The following APPL2 variants were observed in gnomAD, a reference collection of about 807,000 sequenced individuals.
The protein encoded by APPL2 is adaptor protein, phosphotyrosine interacting with PH domain and leucine zipper 2.
APPL2 carries 84 observed loss-of-function variants against 92.7 expected under a neutral mutation model. The observed-to-expected ratio is 0.91, with a 90% CI of 0.76 to 1.09. The LOEUF is 1.09. Ranked by LOEUF, APPL2 falls within the 50% of genes least tolerant of loss-of-function variation. The pLI is 0.00. For synonymous variants in APPL2, 291 were observed against 291.0 expected (o/e 1.00, Z 0.00); for missense variants, 736 against 824.5 (o/e 0.89, Z 1.31).
At chr12:105,181,910 C>G (rs1485840759) in intron 17 of APPL2, among the ~76,000 whole-genome samples, 1 of 152,132 alleles carries the variant, frequency 6.6e-6, no homozygotes, top group South Asian at 2.1e-4. Context: ...TTTCAAAAAA[C>G]CAGCTCCTGG....
intron 8 of APPL2, among the ~76,000 whole-genome samples, chr12:105,204,909 A>G (rs988539945): frequency 6.6e-6 from 1 of 152,192 alleles, no homozygotes; most frequent in African/African-American, 2.4e-5. Flanking sequence ...ACTGGAGGTC[A>G]CTGTTCCGTT....
intron 14 of APPL2, among the ~76,000 whole-genome samples, chr12:105,194,782 T>TTAGTTAA (rs1887498152): frequency 6.9e-6 from 1 of 144,516 alleles, no homozygotes; most frequent in African/African-American, 2.5e-5. Context: ...TAGAAATAGT[T>TTAGTTAA]AAAAAAAAAA....
intron 17 of APPL2, among the ~76,000 whole-genome samples, chr12:105,179,583 T>A (rs1885910058): frequency 6.6e-6 from 1 of 152,268 alleles, no homozygotes; most frequent in African/African-American, 2.4e-5. Flanking sequence ...ATAGTTGAAC[T>A]AATTTACATT....
chr12:105,216,489 T>C (rs924524167), intron 4 of APPL2, among the ~76,000 whole-genome samples: 7 of 151,470 alleles, frequency 4.6e-5, no homozygotes, highest in Non-Finnish European at 7.4e-5. Flanking sequence ...TGAAGGATCC[T>C]GAAATGAGAT....
intron 17 of APPL2, among the ~76,000 whole-genome samples, chr12:105,180,603 G>A (rs1886021477): frequency 1.3e-5 from 2 of 152,318 alleles, no homozygotes; most frequent in South Asian, 4.1e-4. Flanking sequence ...CATGAGCATG[G>A]CATGTTTTTC....
chr12:105,196,425 C>CTT (rs59820038), intron 11 of APPL2, among the ~76,000 whole-genome samples: 10 of 83,868 alleles, frequency 1.2e-4, no homozygotes, highest in Non-Finnish European at 2.1e-4. Flanking sequence ...GGCGTTAACT[C>CTT]TTTTTTTTTT....
chr12:105,193,452 C>T (rs974252973), intron 14 of APPL2, among the ~76,000 whole-genome samples: 9 of 152,180 alleles, frequency 5.9e-5, no homozygotes, highest in African/African-American at 1.7e-4. Context: ...GCAGAGATAT[C>T]GTTAGAACCC....
chr12:105,181,274 G>A (rs181017747), intron 17 of APPL2, among the ~76,000 whole-genome samples: 34 of 152,270 alleles, frequency 2.2e-4, no homozygotes, highest in East Asian at 1.9e-3. Context: ...ACTGATTTGC[G>A]TATGTCGAAC....
At chr12:105,193,011 C>T (rs987582697) in intron 14 of APPL2, among the ~76,000 whole-genome samples, 4 of 152,112 alleles carry the variant, frequency 2.6e-5, no homozygotes, top group African/African-American at 9.7e-5. Context: ...GTGGGCTGAC[C>T]CTAAAAGAGA....
rs79374863 is a variant in APPL2, at chr12:105,227,986, C to G, written c.153+1139G>C. ...CCCCACTAGGTTAGGTGGCTCTCCT[C>G]TCCTGGCCCCTCTAAGGCTCTCTGG... On this transcript the variant is annotated intron_variant, in intron 2 of 20. Transcript: ENST00000258530. Among the ~76,000 whole-genome samples the G allele has an allele frequency of 2.9e-3, 441 of 152,334 alleles. 18 individuals carry two copies. The East Asian group carries it at 0.07, about 24-fold the overall frequency.
chr12:105,199,204 G>T, intron 10 of APPL2, 169 bp downstream of exon 10: 1 of 745,586 alleles, frequency 1.3e-6, no homozygotes, highest in Non-Finnish European at 2.1e-6. Flanking sequence ...TGGCGCCTGG[G>T]CCCCAGAGGT....
chr12:105,230,247 A>C (rs948266989), intron 1 of APPL2, among the ~76,000 whole-genome samples: 3 of 152,184 alleles, frequency 2.0e-5, no homozygotes, highest in Non-Finnish European at 2.9e-5. Flanking sequence ...GTGCTCAGAG[A>C]GCAGCTGAGC....
chr12:105,175,088 T>A (rs1468850251), intron 20 of APPL2, among the ~76,000 whole-genome samples: 1 of 152,220 alleles, frequency 6.6e-6, no homozygotes, highest in Admixed American at 6.5e-5. Flanking sequence ...TTCACCATGT[T>A]GGCCAGGCTG....
intron 14 of APPL2, among the ~76,000 whole-genome samples, chr12:105,193,880 C>A (rs1887430130): frequency 1.3e-5 from 2 of 152,188 alleles, no homozygotes; most frequent in African/African-American, 2.4e-5. Flanking sequence ...CTGGTTCTGA[C>A]CATCGCCCAT....
At chr12:105,175,280 A>G (rs1024820762) in intron 20 of APPL2, among the ~76,000 whole-genome samples, 3 of 152,226 alleles carry the variant, frequency 2.0e-5, no homozygotes, top group Non-Finnish European at 4.4e-5. Flanking sequence ...ACTTTTGACC[A>G]ATACCATTAA....
chr12:105,180,260 A>G (rs1244343580), intron 17 of APPL2, among the ~76,000 whole-genome samples: 1 of 152,068 alleles, frequency 6.6e-6, no homozygotes, highest in Non-Finnish European at 1.5e-5. Context: ...TGTTTTTGTC[A>G]GGTTTGTCAA....
intron 20 of APPL2, among the ~76,000 whole-genome samples, chr12:105,175,556 A>G (rs146375557): frequency 8.5e-5 from 13 of 152,340 alleles, no homozygotes; most frequent in African/African-American, 1.7e-4. Context: ...GGCAGGGACT[A>G]TATCTGTCTT....
In APPL2 at chr12:105,174,078, C is replaced by CT; in HGVS notation, c.*235dup. ...ACAATCTAAGAAATTTTAGCGCAAT[C>CT]TAAGAAAAAAGACTTACCACAAAGC... On this transcript the variant is annotated 3_prime_UTR_variant, in exon 21 of 21. Transcript: ENST00000258530. 7.4e-6 allele frequency: 3 copies of CT among 407,802 alleles called. No homozygotes were observed. The highest frequency in any genetic ancestry group is 5.3e-5 in the South Asian group (1 of 18,730). The allele number at this position is 407,802 out of a possible 1,614,324, so 25.3% of individuals were successfully genotyped here.
At chr12:105,215,971 G>A (rs534269485) in intron 4 of APPL2, among the ~76,000 whole-genome samples, 2 of 152,214 alleles carry the variant, frequency 1.3e-5, no homozygotes, top group East Asian at 3.9e-4. Context: ...AGCTTGCAGT[G>A]AGCCGAGATT....
Sources: allele counts gnomAD v4.1 joint callset (sites outside exome capture counted in the v4.1 genomes callset), GRCh38; gene constraint gnomAD v4.1.1; transcripts MANE v1.5; gene names NCBI Gene and HGNC (gene_info 2026-07-23, HGNC 2026-07-21).